CLASP2: variants seen among roughly 807,000 people sequenced by gnomAD.
CLASP2 encodes the protein cytoplasmic linker associated protein 2, also known as CLIP-associating protein 2.
CLASP2 carries 47 observed loss-of-function variants against 194.4 expected under a neutral mutation model. That is an observed-to-expected ratio of 0.24 (90% CI 0.19 to 0.31). The LOEUF is 0.31. CLASP2 is among the 10% of genes least tolerant of loss of function. CLASP2 has a pLI of 1.00. For synonymous variants in CLASP2, 619 were observed against 633.5 expected, an observed-to-expected ratio of 0.98 and a Z score of 0.34; for missense variants, 1,445 against 1,823.6, an observed-to-expected ratio of 0.79 and a Z score of 3.78.
intron 2 of CLASP2, among the ~76,000 whole-genome samples, chr3:33,692,711 T>C (rs1213256072): frequency 6.6e-6 from 1 of 152,196 alleles, no homozygotes. Flanking sequence ...CCCATGATCA[T>C]TGAATTATCA....
chr3:33,597,019 T>A (rs2070583360), intron 18 of CLASP2, among the ~76,000 whole-genome samples: 1 of 152,208 alleles, frequency 6.6e-6, no homozygotes, highest in African/African-American at 2.4e-5. Flanking sequence ...GCTTTGGACT[T>A]TGCCATCATG....
intron 37 of CLASP2, among the ~76,000 whole-genome samples, chr3:33,507,968 A>ATG (rs1159047288): frequency 3.3e-5 from 5 of 149,350 alleles, no homozygotes; most frequent in African/African-American, 9.8e-5. Flanking sequence ...ATATATATAT[A>ATG]TATGTGTGTG....
At chr3:33,539,618 A>C (rs1175836304) in intron 32 of CLASP2, among the ~76,000 whole-genome samples, 1 of 152,066 alleles carries the variant, frequency 6.6e-6, no homozygotes, top group Admixed American at 6.5e-5. Flanking sequence ...TACAGGCGTG[A>C]GCCACTGCGC....
At chr3:33,514,745 G>T in intron 36 of CLASP2, 1 of 252,104 alleles carries the variant, frequency 4.0e-6, no homozygotes. Context: ...CAGCACAATT[G>T]GCAATTGCAA....
intron 2 of CLASP2, among the ~76,000 whole-genome samples, chr3:33,695,717 A>C (rs2091825887): frequency 6.6e-6 from 1 of 152,142 alleles, no homozygotes; most frequent in South Asian, 2.1e-4. Flanking sequence ...AGGTGAGAGG[A>C]CTGCTTGAGC....
rs1411658473 is a variant in CLASP2 at position 33,560,693 on chromosome 3, G to C, written c.2930+115C>G. ...GGGCATAATTAACAATCTTCAAACG[G>C]AATCCATGCAGTCTAAATTGTTCAA... On this transcript the variant is annotated intron_variant, in intron 28 of 38. Transcript: ENST00000682230. The C allele has an allele frequency of 6.0e-6, 5 of 826,590 alleles. No homozygotes were observed. The Admixed American group carries it at 1.2e-4, about 20-fold the overall frequency. The allele number at this position is 826,590 out of a possible 1,614,324, so 51.2% of individuals were successfully genotyped here.
intron 23 of CLASP2, chr3:33,577,182 A>G (rs1480522943): frequency 1.3e-6 from 2 of 1,569,910 alleles, no homozygotes; most frequent in South Asian, 1.1e-5. Flanking sequence ...GATGATAGTG[A>G]AAATGTACTC....
At chr3:33,566,020 C>T (rs1469292989) in intron 27 of CLASP2, among the ~76,000 whole-genome samples, 1 of 152,120 alleles carries the variant, frequency 6.6e-6, no homozygotes, top group Non-Finnish European at 1.5e-5. Flanking sequence ...ACTGTACTTA[C>T]ATATACATGC....
chr3:33,519,143 G>A (rs923992694), intron 34 of CLASP2, among the ~76,000 whole-genome samples: 1 of 152,118 alleles, frequency 6.6e-6, no homozygotes, highest in Non-Finnish European at 1.5e-5. Context: ...GACAAATATT[G>A]ACACAATTAC....
Position 33,538,960 on chromosome 3 carries a change from C to T in CLASP2, c.3405-18G>A, listed in dbSNP as rs774199152. On this transcript the variant is annotated intron_variant, in intron 32 of 38. Transcript: ENST00000682230. The stretch of plus-strand genomic sequence containing the variant: ...CAAATGCACTATGAAAAAGACGACA[C>T]TAATTTTTACTTAGGTGTAGTTTTA... 23 of 1,530,726 alleles carry T rather than the reference C, an allele frequency of 1.5e-5. No homozygotes were observed. In the African/African-American group the frequency reaches 2.5e-4, roughly 17 times the overall value. 94.8% of individuals were successfully genotyped at this position (1,530,726 alleles called of 1,614,324 possible).
At chr3:33,597,877 C>A (rs943413559) in intron 18 of CLASP2, among the ~76,000 whole-genome samples, 2 of 151,852 alleles carry the variant, frequency 1.3e-5, no homozygotes, top group African/African-American at 4.8e-5. Flanking sequence ...CTCAGCCTCC[C>A]GAGTAGCTGG....
intron 6 of CLASP2, among the ~76,000 whole-genome samples, chr3:33,674,012 C>A (rs1345641584): frequency 3.3e-5 from 5 of 152,168 alleles, no homozygotes; most frequent in Admixed American, 6.5e-5. Flanking sequence ...TAACACCCCA[C>A]TGTCAACATT....
chr3:33,572,461 C>T (rs1425672313), intron 25 of CLASP2, among the ~76,000 whole-genome samples: 2 of 152,016 alleles, frequency 1.3e-5, no homozygotes, highest in Non-Finnish European at 2.9e-5. Flanking sequence ...AGGAAGTAAC[C>T]CTGCACATTC....
rs532532227 is a variant in CLASP2 at position 33,647,814 on chromosome 3, G to A, written c.716-2911C>T. 3.9e-5 allele frequency among the ~76,000 whole-genome samples: 6 copies of A among 152,190 alleles called. No homozygotes were observed. In the East Asian group the frequency reaches 1.2e-3, roughly 29 times the overall value. On this transcript the variant is annotated intron_variant, in intron 7 of 38. Transcript: ENST00000682230. ...CTTTGGGAGGCCGAGGCAGGTGGGT[G>A]ACGAGGTCAGGAGATTGAGACCATC...
chr3:33,566,521 A>G (rs1287278528), intron 27 of CLASP2, among the ~76,000 whole-genome samples: 1 of 152,234 alleles, frequency 6.6e-6, no homozygotes, highest in African/African-American at 2.4e-5. Flanking sequence ...CATCAAATAG[A>G]ACAGAAGAAC....
At chr3:33,592,583 T>C (rs766278673) in intron 20 of CLASP2, 87 bp from the exon 21 acceptor site, 4 of 1,008,718 alleles carry the variant, frequency 4.0e-6, no homozygotes, top group Non-Finnish European at 6.0e-6. Flanking sequence ...TATTTTTAGG[T>C]ACTGCCAAAT....
In CLASP2 at chr3:33,498,179, A is replaced by G. The variant is rs1020238282; in HGVS notation, c.*452T>C. 6.5e-6 allele frequency: 1 copy of G among 153,486 alleles called. No homozygotes were observed. Among genetic ancestry groups the G allele is most frequent in the Middle Eastern group, 3.4e-3 (1 of 296 alleles). The allele number at this position is 153,486 out of a possible 1,614,324, so 9.5% of individuals were successfully genotyped here. ...CATTTAAATATTTCTAGCATAGGAC[A>G]TGATACGAAACAAAACTCAAAGTAG... On this transcript the variant is annotated 3_prime_UTR_variant, in exon 39 of 39. Coordinates refer to ENST00000682230, the MANE Select transcript of CLASP2 (RefSeq NM_001365631.1).
chr3:33,517,962 C>T (rs1232471902), intron 34 of CLASP2, among the ~76,000 whole-genome samples: 2 of 152,124 alleles, frequency 1.3e-5, no homozygotes, highest in African/African-American at 2.4e-5. Context: ...AATCTTTTAA[C>T]CAAAGGTTTC....
intron 33 of CLASP2, among the ~76,000 whole-genome samples, chr3:33,537,266 A>G (rs1351924272): frequency 6.6e-6 from 1 of 152,204 alleles, no homozygotes; most frequent in Non-Finnish European, 1.5e-5. Context: ...TGCAGCTTTG[A>G]AGGGTAGGGA....
Sources: gnomAD v4.1 joint callset for allele counts (sites outside exome capture counted in the v4.1 genomes callset) on GRCh38, gnomAD v4.1.1 for gene constraint, MANE v1.5 for transcripts, NCBI Gene and HGNC (gene_info 2026-07-23, HGNC 2026-07-21) for gene names.